The following WNK1 variants were observed in gnomAD, a reference collection of about 807,000 sequenced individuals.
WNK1 encodes the protein WNK lysine deficient protein kinase 1.
In WNK1, 38 loss-of-function variants were observed where a neutral mutation model predicts 222.8. That is an observed-to-expected ratio of 0.17 (90% confidence interval 0.13 to 0.22). The LOEUF (loss-of-function observed/expected upper bound fraction) is 0.22. WNK1 is among the 10% of genes least tolerant of loss of function. The probability of loss-of-function intolerance (pLI) is 1.00; values close to 1 mark genes in which losing one functional copy is unlikely to be tolerated. For synonymous variants in WNK1, 1,090 were observed against 1,092.9 expected (o/e 1.00, Z 0.05); for missense variants, 2,348 against 2,918.4 (o/e 0.80, Z 4.50).
At chr12:864,183 C>T (rs1437020281) in intron 8 of WNK1, among the ~76,000 whole-genome samples, 1 of 150,022 alleles carries the variant, frequency 6.7e-6, no homozygotes, top group Non-Finnish European at 1.5e-5. Context: ...TCTTGGCTCA[C>T]TGCAACTTTC....
intron 20 of WNK1, 98 bp from the exon 21 acceptor site, chr12:889,042 A>G: frequency 4.4e-6 from 4 of 909,830 alleles, no homozygotes; most frequent in Non-Finnish European, 7.4e-6. Context: ...TGTTGTGCCA[A>G]TATAAAGCAT....
rs2154065857 is a variant in WNK1 at position 861,174 on chromosome 12, A to G, written c.1782A>G (p.Glu594=). 1 of 1,614,022 alleles carries G rather than the reference A, an allele frequency of 6.2e-7. No individual in the cohort carries two copies. Among genetic ancestry groups the G allele is most frequent in the Non-Finnish European group, 8.5e-7 (1 of 1,179,978 alleles). The change falls in exon 7 of 28, where the codon GAA becomes GAG. Residue 594 remains glutamate, a synonymous_variant. Coordinates refer to ENST00000315939, the MANE Select transcript of WNK1 (RefSeq NM_018979.4). ...AGAGCAGTCTCAAACAGCAGGTAGA[A>G]CAATCCAGTGCTTCCCAGACAGGAA... ...QEESSLKQQV[E]QSSASQTGIK...
intron 21 of WNK1, 73 bp from the exon 22 acceptor site, chr12:890,380 G>T: frequency 6.6e-7 from 1 of 1,525,680 alleles, no homozygotes; most frequent in Non-Finnish European, 9.1e-7. Context: ...AAGACCATAG[G>T]AAAGGCAACG....
At chr12:875,039 A>G (rs1163535347) in intron 9 of WNK1, among the ~76,000 whole-genome samples, 3 of 152,236 alleles carry the variant, frequency 2.0e-5, no homozygotes, top group African/African-American at 7.2e-5. Context: ...AGATAAAAAA[A>G]TTATACTGTG....
chr12:896,548 A>G lies in WNK1; in HGVS notation c.6061A>G (p.Arg2021Gly), dbSNP rs1954746383. Residue 2021 changes from arginine (R) to glycine (G), a missense_variant, in exon 24 of 28, where the codon AGG (arginine) becomes GGG (glycine). Physicochemically the swap from Arg to Gly is moderately radical, Grantham distance 125. This residue lies in a region of WNK1 where 1,144 missense variants were observed against 1,273.6 expected (regional missense o/e 0.90). Transcript: ENST00000315939. ...TGACCCGGAGGCCGCTTTTTTAAGT[A>G]GGGATGTGGATGATGGTTCCGGTAG... ...SSDPEAAFLS[R>G]DVDDGSGSPH... 5 of 1,613,422 alleles carry G rather than the reference A, an allele frequency of 3.1e-6. No homozygotes were observed. The highest frequency in any genetic ancestry group is 4.2e-6 in the Non-Finnish European group (5 of 1,179,912).
chr12:772,646 T>G (rs1942671597), intron 1 of WNK1, among the ~76,000 whole-genome samples: 1 of 150,672 alleles, frequency 6.6e-6, no homozygotes, highest in African/African-American at 2.5e-5. Context: ...GTATATATTA[T>G]TTTTTTAATT....
At chr12:904,083 A>AG (rs1464378073) in intron 26 of WNK1, among the ~76,000 whole-genome samples, 2 of 152,238 alleles carry the variant, frequency 1.3e-5, no homozygotes, top group Non-Finnish European at 2.9e-5. Flanking sequence ...AGAAACAGGA[A>AG]GTGGGACAGG....
At chr12:833,152 A>G (rs543365413) in intron 4 of WNK1, among the ~76,000 whole-genome samples, 4 of 152,052 alleles carry the variant, frequency 2.6e-5, no homozygotes, top group Admixed American at 6.6e-5. Context: ...CTTCCAGTTT[A>G]TAAGGTTCTT....
At chr12:854,087 G>A (rs1432975249) in intron 4 of WNK1, among the ~76,000 whole-genome samples, 1 of 151,868 alleles carries the variant, frequency 6.6e-6, no homozygotes, top group African/African-American at 2.4e-5. Flanking sequence ...AATCAGAAGG[G>A]CCAATTGTGT....
intron 1 of WNK1, among the ~76,000 whole-genome samples, chr12:801,602 C>G (rs1010132548): frequency 3.3e-5 from 5 of 150,000 alleles, no homozygotes; most frequent in Non-Finnish European, 5.9e-5. Flanking sequence ...GAGACAAGGT[C>G]TTGCTCTGTT....
rs1283547276 is a variant in WNK1, at chr12:827,024, A to T, written c.933-18A>T. On this transcript the variant is annotated intron_variant, in intron 2 of 27. Coordinates refer to ENST00000315939, the MANE Select transcript of WNK1 (RefSeq NM_018979.4). The surrounding 1 kb of genome is among the most constrained non-coding windows in gnomAD (Gnocchi z 4.6). ...TCCTATCATTGATAACTTGTTTGGTATACTTTGCTTTTTCTAGGTATCTGA... is the reference window on the plus strand; with the variant it reads ...TCCTATCATTGATAACTTGTTTGGTTTACTTTGCTTTTTCTAGGTATCTGA... 2 of 1,602,718 alleles carry T rather than the reference A, an allele frequency of 1.2e-6. No homozygotes were observed. The highest frequency in any genetic ancestry group is 1.7e-6 in the Non-Finnish European group (2 of 1,171,292).
chr12:824,894 T>C (rs992358803), intron 2 of WNK1, among the ~76,000 whole-genome samples: 1 of 152,224 alleles, frequency 6.6e-6, no homozygotes. Context: ...TACCATATTA[T>C]TAATATGTCC....
chr12:803,237 C>G (rs958291060), intron 1 of WNK1, among the ~76,000 whole-genome samples: 1 of 152,132 alleles, frequency 6.6e-6, no homozygotes, highest in African/African-American at 2.4e-5. Flanking sequence ...GGATGGCCTT[C>G]TTTGTTGGGG....
intron 1 of WNK1, among the ~76,000 whole-genome samples, chr12:760,013 A>G (rs1439563432): frequency 6.8e-6 from 1 of 148,128 alleles, no homozygotes; most frequent in African/African-American, 2.4e-5. Context: ...AAAATCATAT[A>G]GCAAAACTTA....
intron 1 of WNK1, 97 bp downstream of exon 1, chr12:754,421 G>A: frequency 6.5e-7 from 1 of 1,527,438 alleles, no homozygotes; most frequent in Non-Finnish European, 9.0e-7. Flanking sequence ...GGCATTCTCT[G>A]TTGGACTCCG....
chr12:879,640 C>A lies in WNK1; in HGVS notation c.2441C>A (p.Ser814Ter). The A allele has an allele frequency of 6.2e-7, 1 of 1,613,318 alleles. No homozygotes were observed. The part of the protein sequence containing the change: ...EPQIPVATQP[S>*]VVPVHSGAHF... ...CAGATCCCAGTTGCGACACAACCCT[C>A]GGTTGTTCCAGTCCACTCTGGTGCT... Residue 814 changes from serine to a stop codon, truncating the protein, a stop_gained, in exon 11 of 28, where the codon TCG (serine) becomes TAG (stop). Transcript: ENST00000315939. LOFTEE classifies it high-confidence loss of function.
intron 26 of WNK1, among the ~76,000 whole-genome samples, chr12:903,444 G>T (rs1161331497): frequency 6.6e-6 from 1 of 152,076 alleles, no homozygotes. Flanking sequence ...GTTGCAAGGG[G>T]GGTGTTTTTG....
intron 26 of WNK1, among the ~76,000 whole-genome samples, chr12:902,389 T>C (rs1262956712): frequency 6.6e-6 from 1 of 152,176 alleles, no homozygotes; most frequent in Non-Finnish European, 1.5e-5. Context: ...ACCATTTTTT[T>C]CCATTCTTTG....
intron 27 of WNK1, 135 bp downstream of exon 27, chr12:908,169 T>TC: frequency 3.5e-6 from 4 of 1,158,424 alleles, no homozygotes; most frequent in Non-Finnish European, 5.0e-6. Flanking sequence ...AAGGCAAAAA[T>TC]CCCCCAGGTA....
Sources: allele counts gnomAD v4.1 joint callset (sites outside exome capture counted in the v4.1 genomes callset), GRCh38; gene constraint gnomAD v4.1.1; regional missense constraint gnomAD v4.1.1; non-coding constraint Gnocchi (gnomAD v3.1); transcripts MANE v1.5; gene names NCBI Gene and HGNC (gene_info 2026-07-23, HGNC 2026-07-21).